Variants in ASTN2 observed in about 807,000 individuals in gnomAD.
ASTN2 encodes astrotactin-2.
ASTN2 carries 54 observed loss-of-function variants against 139.8 expected under a neutral mutation model. The ratio of observed to expected loss-of-function variants is 0.39; its 90% confidence interval spans 0.31 to 0.48. The LOEUF is 0.48. Ranked by LOEUF, ASTN2 falls within the 20% of genes least tolerant of loss-of-function variation. The probability of loss-of-function intolerance (pLI) is 0.95; values close to 1 mark genes in which losing one functional copy is unlikely to be tolerated. For synonymous variants in ASTN2, 756 were observed against 719.5 expected (o/e 1.05, Z -0.81); for missense variants, 1,565 against 1,725.1 (o/e 0.91, Z 1.64).
intron 17 of ASTN2, among the ~76,000 whole-genome samples, chr9:116,626,056 G>A (rs1448511677): frequency 2.0e-5 from 3 of 151,238 alleles, no homozygotes; most frequent in Admixed American, 6.6e-5. Context: ...ATTGGCTCAC[G>A]GCAATCTCTG....
chr9:116,717,989 T>C (rs749715137), intron 16 of ASTN2, among the ~76,000 whole-genome samples: 5 of 152,242 alleles, frequency 3.3e-5, no homozygotes, highest in Non-Finnish European at 5.9e-5. Flanking sequence ...GGCTAGGTAT[T>C]AGCCAAGCAG....
At position 117,073,264 on chromosome 9, in the gene ASTN2, C is replaced by A. The variant is rs192863704; in HGVS notation, c.1276+22780G>T. ...ATGACCAGGCCTGGCTGACCTCCCC[C>A]ACAACTCATTCCGCTCAGCTTCCTG... On this transcript the variant is annotated intron_variant, in intron 5 of 22. Coordinates refer to ENST00000313400, the MANE Select transcript of ASTN2 (RefSeq NM_001365068.1). 3.4e-4 allele frequency among the ~76,000 whole-genome samples: 52 copies of A among 152,278 alleles called. No individual in the cohort carries two copies. In the South Asian group the frequency reaches 0.011, roughly 32 times the overall value.
chr9:116,741,294 G>A (rs116045013), intron 13 of ASTN2, among the ~76,000 whole-genome samples: 1,713 of 152,318 alleles, frequency 0.011, 19 homozygotes, highest in Middle Eastern at 0.065. Context: ...AGCCAGCACT[G>A]TCTGCAGTCT....
intron 17 of ASTN2, among the ~76,000 whole-genome samples, chr9:116,639,359 G>A (rs976752435): frequency 9.8e-5 from 15 of 152,318 alleles, no homozygotes; most frequent in Middle Eastern, 3.4e-3. Flanking sequence ...GCACTGCACA[G>A]ACTGACCATC....
intron 17 of ASTN2, among the ~76,000 whole-genome samples, chr9:116,626,743 G>T (rs955905081): frequency 6.6e-6 from 1 of 152,154 alleles, no homozygotes; most frequent in African/African-American, 2.4e-5. Flanking sequence ...ACTTTATGGG[G>T]AAACATATAT....
At chr9:117,051,646 T>C (rs1049855387) in intron 5 of ASTN2, among the ~76,000 whole-genome samples, 2 of 152,216 alleles carry the variant, frequency 1.3e-5, no homozygotes, top group Non-Finnish European at 2.9e-5. Flanking sequence ...CCCATCATTC[T>C]TTTATTTCAA....
At chr9:116,947,397 T>C (rs967116116) in intron 10 of ASTN2, among the ~76,000 whole-genome samples, 2 of 152,218 alleles carry the variant, frequency 1.3e-5, no homozygotes, top group Non-Finnish European at 2.9e-5. Flanking sequence ...AGGGATTGCA[T>C]TGCCAATCTC....
intron 3 of ASTN2, among the ~76,000 whole-genome samples, chr9:117,187,477 C>A (rs1483933167): frequency 6.6e-6 from 1 of 152,062 alleles, no homozygotes; most frequent in Non-Finnish European, 1.5e-5. Flanking sequence ...AGAGATGGGG[C>A]CTTTGAGAAG....
chr9:117,160,938 TAC>T (rs150471064), intron 3 of ASTN2, among the ~76,000 whole-genome samples: 20 of 150,426 alleles, frequency 1.3e-4, no homozygotes, highest in African/African-American at 2.4e-4. Context: ...AATTATAAAG[TAC>T]ACACACACAC....
chr9:116,897,397 A>G (rs771256548), intron 10 of ASTN2, among the ~76,000 whole-genome samples: 9 of 152,204 alleles, frequency 5.9e-5, no homozygotes, highest in Non-Finnish European at 8.8e-5. Context: ...CAAACTCACA[A>G]TCAAGGATTA....
At chr9:116,687,114 A>C in intron 16 of ASTN2, 1 of 1,145,634 alleles carries the variant, frequency 8.7e-7, no homozygotes, top group Non-Finnish European at 1.1e-6. Flanking sequence ...CGGTTTCTTC[A>C]TCTGCACCAA....
intron 20 of ASTN2, among the ~76,000 whole-genome samples, chr9:116,485,076 G>GTGGA (rs1398882039): frequency 1.3e-5 from 2 of 152,140 alleles, no homozygotes; most frequent in Non-Finnish European, 2.9e-5. Context: ...CTATCATTTG[G>GTGGA]TGGATGGATG....
intron 6 of ASTN2, among the ~76,000 whole-genome samples, chr9:117,017,831 C>T (rs1588484982): frequency 6.6e-6 from 1 of 151,932 alleles, no homozygotes. Context: ...TGTTTATGTG[C>T]ATACACACTT....
intron 5 of ASTN2, among the ~76,000 whole-genome samples, chr9:117,087,107 T>C (rs956429866): frequency 1.3e-5 from 2 of 152,200 alleles, no homozygotes; most frequent in African/African-American, 2.4e-5. Flanking sequence ...AAGCAGAGGA[T>C]GGTGACGTGA....
At chr9:116,642,781 C>G (rs925098216) in intron 17 of ASTN2, among the ~76,000 whole-genome samples, 4 of 152,208 alleles carry the variant, frequency 2.6e-5, no homozygotes, top group African/African-American at 7.2e-5. Flanking sequence ...AGTTGCTACT[C>G]TAAGACTCAA....
rs1244831157 is a variant in ASTN2 at position 117,190,629 on chromosome 9, C to T, written c.1015+23729G>A. Among the ~76,000 whole-genome samples, 9 of 152,280 alleles carry T rather than the reference C, an allele frequency of 5.9e-5. No homozygotes were observed. The East Asian group carries it at 1.7e-3, about 29-fold the overall frequency. On this transcript the variant is annotated intron_variant, in intron 3 of 22. Coordinates refer to ENST00000313400, the MANE Select transcript of ASTN2 (RefSeq NM_001365068.1). ...CTCAATGCTACTCCTCCCTATTCCT[C>T]TAGTGCTCCAATCACACTGGTGCCA...
chr9:116,803,441 A>C (rs1425359482), intron 13 of ASTN2, among the ~76,000 whole-genome samples: 3 of 141,602 alleles, frequency 2.1e-5, no homozygotes, highest in Non-Finnish European at 3.1e-5. Flanking sequence ...TCAGCCTCCC[A>C]AGTAGCTGGG....
intron 20 of ASTN2, among the ~76,000 whole-genome samples, chr9:116,482,897 A>T (rs1244457819): frequency 6.6e-6 from 1 of 151,874 alleles, no homozygotes; most frequent in Non-Finnish European, 1.5e-5. Context: ...TGCATCCCCC[A>T]CCCCAGGAAT....
At chr9:117,344,650 A>G (rs902591782) in intron 1 of ASTN2, among the ~76,000 whole-genome samples, 1 of 152,272 alleles carries the variant, frequency 6.6e-6, no homozygotes. Context: ...CTCTTATGCA[A>G]TTCATCTCCT....
Sources: allele counts gnomAD v4.1 joint callset (sites outside exome capture counted in the v4.1 genomes callset), GRCh38; gene constraint gnomAD v4.1.1; transcripts MANE v1.5; gene names NCBI Gene and HGNC (gene_info 2026-07-23, HGNC 2026-07-21).